Variants in CHIC1 observed in about 807,000 individuals in gnomAD.
The protein encoded by CHIC1 is cysteine rich hydrophobic domain 1.
A neutral mutation model predicts 18.5 loss-of-function variants in CHIC1; 7 were observed. That is an observed-to-expected ratio of 0.38 (90% CI 0.22 to 0.71). The LOEUF (loss-of-function observed/expected upper bound fraction) is 0.71, where lower values mean the gene tolerates loss of function less well. Ranked by LOEUF, CHIC1 falls within the 30% of genes least tolerant of loss-of-function variation. The pLI is 0.49. For missense variants in CHIC1, 159 were observed against 176.9 expected (o/e 0.90, Z 0.57); for synonymous variants, 77 against 73.5 (o/e 1.05, Z -0.25).
chrX:73,655,308 G>GTA (rs758106293), intron 3 of CHIC1, among the ~76,000 whole-genome samples: 10 of 102,933 alleles, frequency 9.7e-5, no homozygotes, highest in South Asian at 4.4e-4. Flanking sequence ...ATGTGTGTAT[G>GTA]TATATATATA....
Position 73,563,295 on chromosome X carries a change from T to C in CHIC1, c.11T>C (p.Leu4Pro). The C allele has an allele frequency of 8.9e-7, 1 of 1,123,872 alleles. No individual in the cohort carries two copies. The highest frequency in any genetic ancestry group is 2.2e-5 in the South Asian group (1 of 45,988). 92.6% of individuals were successfully genotyped at this position (1,123,872 alleles called of 1,213,427 possible). The stretch of plus-strand genomic sequence containing the variant: ...TCGCGAGGTCACGTGATGAGCATCC[T>C]GCTGCCCAACATGGCGGAGTTCGAC... MSI[L>P]LPNMAEFDTI... Residue 4 changes from leucine (L) to proline (P), a missense_variant, in exon 1 of 6, where the codon CTG becomes CCG. Coordinates refer to ENST00000373502, the MANE Select transcript of CHIC1 (RefSeq NM_001039840.4).
chrX:73,563,188 C>A, upstream of CHIC1: 2 of 1,009,301 alleles, frequency 2.0e-6, no homozygotes, highest in Non-Finnish European at 2.5e-6. Context: ...CCCTACACCC[C>A]TCCTCTTTCT....
At chrX:73,612,844 A>C (rs2363728) in intron 3 of CHIC1, among the ~76,000 whole-genome samples, 5,290 of 111,864 alleles carry the variant, frequency 0.047, 319 homozygotes, top group African/African-American at 0.16. Flanking sequence ...TATGTAGTTT[A>C]AGTATTATGT....
At chrX:73,650,851 A>G (rs1354056726) in intron 3 of CHIC1, among the ~76,000 whole-genome samples, 2 of 111,633 alleles carry the variant, frequency 1.8e-5, no homozygotes, top group Admixed American at 9.5e-5. Flanking sequence ...TGAGGCCAGC[A>G]TCATCATACC....
Position 73,578,297 on chromosome X carries a change from G to A in CHIC1, c.351+836G>A, listed in dbSNP as rs182876950. Reference sequence around the variant, plus strand: ...GAACTTTCTGTGCCCAAAGGAGAAGGCTCTGCCTAAGGCAAAAAGTTATTT... The same window carrying A: ...GAACTTTCTGTGCCCAAAGGAGAAGACTCTGCCTAAGGCAAAAAGTTATTT... On this transcript the variant is annotated intron_variant, in intron 2 of 5. Coordinates refer to ENST00000373502, the MANE Select transcript of CHIC1 (RefSeq NM_001039840.4). 2.3e-3 allele frequency among the ~76,000 whole-genome samples: 255 copies of A among 110,713 alleles called. 1 individual carries two copies. Among genetic ancestry groups the A allele is most frequent in the African/African-American group, 7.8e-3 (239 of 30,822 alleles).
rs748176889 is a variant in CHIC1, at chrX:73,563,443, AGAG to A, written c.171_173del (p.Glu68del). 11 of 1,158,572 alleles carry A rather than the reference AGAG, an allele frequency of 9.5e-6. No homozygotes were observed. Among genetic ancestry groups the A allele is most frequent in the Admixed American group, 5.2e-5 (2 of 38,120 alleles). ...AGGAGGATGAGGAGGAAGAGGAGGA[AGAG>A]GAGGAGGAGGAAGAAGAGGAGGAGG... is the stretch of plus-strand genomic sequence containing the variant. On this transcript the variant is annotated inframe_deletion, in exon 1 of 6. Coordinates refer to ENST00000373502, the MANE Select transcript of CHIC1 (RefSeq NM_001039840.4).
intron 3 of CHIC1, among the ~76,000 whole-genome samples, chrX:73,664,997 C>CT (rs1384464318): frequency 3.6e-5 from 4 of 112,013 alleles, no homozygotes; most frequent in Non-Finnish European, 7.5e-5. Flanking sequence ...TGCTTTAATG[C>CT]TTTTTATCTT....
chrX:73,586,936 T>A (rs1300953733), intron 3 of CHIC1, among the ~76,000 whole-genome samples: 1 of 111,805 alleles, frequency 8.9e-6, no homozygotes, highest in Non-Finnish European at 1.9e-5. Context: ...TTGCAACCGC[T>A]CAACTGTGGC....
At chrX:73,612,329 T>G (rs965738012) in intron 3 of CHIC1, among the ~76,000 whole-genome samples, 10 of 111,935 alleles carry the variant, frequency 8.9e-5, no homozygotes, top group African/African-American at 3.2e-4. Flanking sequence ...ATCTTCATTT[T>G]TTTTCATCTA....
At chrX:73,599,516 G>A (rs1213759713) in intron 3 of CHIC1, among the ~76,000 whole-genome samples, 1 of 103,171 alleles carries the variant, frequency 9.7e-6, no homozygotes, top group Non-Finnish European at 1.9e-5. Flanking sequence ...TGTATAAGGT[G>A]TAAGGAAGGG....
At chrX:73,597,586 T>C (rs1412784795) in intron 3 of CHIC1, among the ~76,000 whole-genome samples, 7 of 106,030 alleles carry the variant, frequency 6.6e-5, no homozygotes, top group African/African-American at 2.0e-4. Context: ...TATATACATA[T>C]ATACACACAT....
upstream of CHIC1, chrX:73,563,181 T>C: frequency 1.3e-6 from 1 of 756,928 alleles, no homozygotes; most frequent in Non-Finnish European, 1.6e-6. Flanking sequence ...ATCCTGTCCC[T>C]ACACCCCTCC....
At chrX:73,587,216 T>G (rs2057557313) in intron 3 of CHIC1, among the ~76,000 whole-genome samples, 1 of 112,325 alleles carries the variant, frequency 8.9e-6, no homozygotes, top group African/African-American at 3.2e-5. Context: ...ATGTAGATAG[T>G]CTGCCTTATA....
intron 3 of CHIC1, among the ~76,000 whole-genome samples, chrX:73,674,287 G>A (rs562636954): frequency 3.5e-4 from 39 of 111,839 alleles, no homozygotes; most frequent in South Asian, 3.8e-4. Context: ...TCTATTGATT[G>A]GAATAGTTTC....
At chrX:73,652,079 C>G (rs1320485690) in intron 3 of CHIC1, among the ~76,000 whole-genome samples, 2 of 111,452 alleles carry the variant, frequency 1.8e-5, no homozygotes, top group African/African-American at 6.5e-5. Context: ...GAAATAACAC[C>G]ACACATCTAC....
intron 2 of CHIC1, 118 bp downstream of exon 2, chrX:73,577,579 T>G: frequency 1.9e-6 from 1 of 534,809 alleles, no homozygotes; most frequent in African/African-American, 2.2e-5. Context: ...GAGGCCTCAG[T>G]AGTTGGAAGC....
chrX:73,674,565 G>C (rs1330353634), intron 3 of CHIC1, among the ~76,000 whole-genome samples: 3 of 111,616 alleles, frequency 2.7e-5, no homozygotes, highest in Non-Finnish European at 3.8e-5. Context: ...TGTTTCTGTG[G>C]GATCGGTGGT....
intron 2 of CHIC1, among the ~76,000 whole-genome samples, chrX:73,581,971 T>G (rs776333460): frequency 9.0e-6 from 1 of 110,818 alleles, no homozygotes; most frequent in East Asian, 2.8e-4. Context: ...CTCTTCCCTC[T>G]TTTATTCTCT....
At chrX:73,679,407 G>T (rs200314111) in intron 4 of CHIC1, 25 bp downstream of exon 4, 23 of 987,486 alleles carry the variant, frequency 2.3e-5, no homozygotes, top group East Asian at 1.2e-4. Context: ...GCACATAAGT[G>T]CCCCATTCAT....
Sources: allele counts gnomAD v4.1 joint callset (sites outside exome capture counted in the v4.1 genomes callset), GRCh38; gene constraint gnomAD v4.1.1; transcripts MANE v1.5; gene names NCBI Gene and HGNC (gene_info 2026-07-23, HGNC 2026-07-21).